Variants in CFAP418 observed in about 807,000 individuals in gnomAD.
The protein encoded by CFAP418 is cilia and flagella associated protein 418, also known as cilia- and flagella-associated protein 418.
CFAP418 carries 27 observed loss-of-function variants against 24.7 expected under a neutral mutation model. The observed-to-expected ratio is 1.09, with a 90% CI of 0.81 to 1.51. The LOEUF (loss-of-function observed/expected upper bound fraction) is 1.51. CFAP418 is among the 40% of genes most tolerant of loss of function. The pLI, the probability that CFAP418 is intolerant of heterozygous loss-of-function variation, is 0.00. For synonymous variants in CFAP418, 74 were observed against 87.3 expected (o/e 0.85, Z 0.85); for missense variants, 257 against 255.2 (o/e 1.01, Z -0.05).
At chr8:95,259,146 A>G (rs1811845216) in intron 4 of CFAP418, among the ~76,000 whole-genome samples, 1 of 152,246 alleles carries the variant, frequency 6.6e-6, no homozygotes. Flanking sequence ...ATTAGATAAA[A>G]GTATTTTAAT....
At chr8:95,267,478 G>A (rs971228541) in intron 1 of CFAP418, among the ~76,000 whole-genome samples, 18 of 152,186 alleles carry the variant, frequency 1.2e-4, no homozygotes, top group Admixed American at 3.3e-4. Flanking sequence ...GCGGGCGCCT[G>A]TAGTCTCAGC....
In CFAP418 at chr8:95,245,488, T is replaced by C. The variant is rs897834152; in HGVS notation, c.*2129A>G. 2 of 152,120 alleles carry C rather than the reference T, an allele frequency of 1.3e-5. No homozygotes were observed. The highest frequency in any genetic ancestry group is 2.9e-5 in the Non-Finnish European group (2 of 67,988). The allele number at this position is 152,120 out of a possible 1,614,324, so 9.4% of individuals were successfully genotyped here. On this transcript the variant is annotated 3_prime_UTR_variant, in exon 6 of 6. Coordinates refer to ENST00000286688, the MANE Select transcript of CFAP418 (RefSeq NM_177965.4). ...TTGTCCCTTCAAAGTAGAGGCAATGTAGGCTACTTTGGGAGGCTGAGGCGG... is the reference window on the plus strand; with the variant it reads ...TTGTCCCTTCAAAGTAGAGGCAATGCAGGCTACTTTGGGAGGCTGAGGCGG...
At chr8:95,247,992 C>T (rs1811651196) in intron 5 of CFAP418, among the ~76,000 whole-genome samples, 1 of 152,056 alleles carries the variant, frequency 6.6e-6, no homozygotes, top group Non-Finnish European at 1.5e-5. Flanking sequence ...CAGGCATGTG[C>T]CACTATGCCC....
rs1811628895 is a variant in CFAP418 at position 95,246,793 on chromosome 8, G to A, written c.*824C>T. ...ATCCTACCAGAGAAGTCCACAGGCT[G>A]CCTGAAAAATTATATTACTTGCTGT... On this transcript the variant is annotated 3_prime_UTR_variant, in exon 6 of 6. Transcript: ENST00000286688. 6 of 152,162 alleles carry A rather than the reference G, an allele frequency of 3.9e-5. No individual in the cohort carries two copies. In the South Asian group the frequency reaches 1.0e-3, roughly 26 times the overall value. The allele number at this position is 152,162 out of a possible 1,614,324, so 9.4% of individuals were successfully genotyped here.
intron 2 of CFAP418, among the ~76,000 whole-genome samples, chr8:95,263,381 T>C (rs1259789134): frequency 9.0e-6 from 1 of 111,676 alleles, no homozygotes; most frequent in Admixed American, 8.9e-5. Context: ...TTTTTGGCCT[T>C]TTAGAAAAGT....
chr8:95,249,614 C>T (rs1158924791), intron 5 of CFAP418, among the ~76,000 whole-genome samples: 1 of 151,922 alleles, frequency 6.6e-6, no homozygotes, highest in South Asian at 2.1e-4. Flanking sequence ...AACTGCAGTC[C>T]TGCACTCTAG....
At chr8:95,256,402 C>T (rs778411520) in intron 4 of CFAP418, among the ~76,000 whole-genome samples, 4 of 152,182 alleles carry the variant, frequency 2.6e-5, no homozygotes, top group Admixed American at 2.6e-4. Flanking sequence ...GCCTGCAGTA[C>T]CTAGCTGTCT....
At chr8:95,259,779 A>C (rs765013160) in intron 4 of CFAP418, 61 bp downstream of exon 4, 113 of 1,185,620 alleles carry the variant, frequency 9.5e-5, no homozygotes, top group Non-Finnish European at 1.3e-4. Context: ...ACATTTTAAC[A>C]ATGGGGCATC....
chr8:95,268,971 G>C, intron 1 of CFAP418, 64 bp downstream of exon 1: 1 of 1,530,868 alleles, frequency 6.5e-7, no homozygotes, highest in Non-Finnish European at 8.9e-7. Flanking sequence ...GGGCGGCGGA[G>C]GGGCAGCTCT....
At chr8:95,251,740 G>A (rs1811712899) in intron 5 of CFAP418, among the ~76,000 whole-genome samples, 1 of 152,176 alleles carries the variant, frequency 6.6e-6, no homozygotes, top group South Asian at 2.1e-4. Flanking sequence ...CAGAAACACA[G>A]TCATGCATTG....
intron 4 of CFAP418, among the ~76,000 whole-genome samples, chr8:95,257,663 A>G (rs1220170108): frequency 6.6e-6 from 1 of 152,232 alleles, no homozygotes; most frequent in East Asian, 1.9e-4. Context: ...CCTATATAGC[A>G]CAATGCTTAC....
rs547887639 is a variant in CFAP418 at position 95,259,690 on chromosome 8, A to G, written c.374+150T>C. The G allele has an allele frequency of 2.1e-5, 14 of 675,060 alleles. No homozygotes were observed. In the South Asian group the frequency reaches 2.3e-4, roughly 11 times the overall value. The allele number at this position is 675,060 out of a possible 1,614,324, so 41.8% of individuals were successfully genotyped here. A position where few individuals can be genotyped will look rare whatever the true frequency, so the allele number is the denominator to read the frequency against. ...CAGCTTTCAATAGCTATCTCCCAAG[A>G]ATAAAAAACAAAGAATTCTTAGATT... On this transcript the variant is annotated intron_variant, in intron 4 of 5. Coordinates refer to ENST00000286688, the MANE Select transcript of CFAP418 (RefSeq NM_177965.4).
chr8:95,257,226 A>G (rs766754148), intron 4 of CFAP418, among the ~76,000 whole-genome samples: 3 of 152,204 alleles, frequency 2.0e-5, no homozygotes, highest in Non-Finnish European at 2.9e-5. Flanking sequence ...TGAGACAGGC[A>G]ATTTAGGACT....
chr8:95,249,487 A>AC (rs1394492686), intron 5 of CFAP418, among the ~76,000 whole-genome samples: 25 of 152,014 alleles, frequency 1.6e-4, no homozygotes, highest in Admixed American at 2.6e-4. Flanking sequence ...ACATGGTGAG[A>AC]CCCCATCTCT....
chr8:95,261,821 A>G (rs1811898215), intron 2 of CFAP418, among the ~76,000 whole-genome samples: 1 of 152,214 alleles, frequency 6.6e-6, no homozygotes, highest in African/African-American at 2.4e-5. Context: ...ACCTTAACTG[A>G]AAAGATAGCG....
intron 1 of CFAP418, among the ~76,000 whole-genome samples, chr8:95,265,409 T>C (rs1811962361): frequency 6.6e-6 from 1 of 152,228 alleles, no homozygotes; most frequent in Non-Finnish European, 1.5e-5. Flanking sequence ...ACTTCTGGCC[T>C]CTAATCCCTC....
intron 4 of CFAP418, among the ~76,000 whole-genome samples, chr8:95,259,284 G>T (rs1319122367): frequency 6.6e-6 from 1 of 152,170 alleles, no homozygotes; most frequent in Non-Finnish European, 1.5e-5. Context: ...AGGACTATGG[G>T]GCTAATATGG....
chr8:95,259,785 G>A (rs1009054536), intron 4 of CFAP418, 55 bp downstream of exon 4: 13 of 1,231,100 alleles, frequency 1.1e-5, no homozygotes, highest in Admixed American at 9.3e-5. Context: ...TAACAATGGG[G>A]CATCCATTTG....
intron 1 of CFAP418, among the ~76,000 whole-genome samples, chr8:95,264,458 C>T (rs551628574): frequency 7.9e-5 from 12 of 152,214 alleles, no homozygotes; most frequent in East Asian, 1.9e-4. Context: ...ATGAGTATAT[C>T]TTTATTTAAC....
Sources: allele counts gnomAD v4.1 joint callset (sites outside exome capture counted in the v4.1 genomes callset), GRCh38; gene constraint gnomAD v4.1.1; transcripts MANE v1.5; gene names NCBI Gene and HGNC (gene_info 2026-07-23, HGNC 2026-07-21).